The following CATSPERE variants were observed in gnomAD, a reference collection of about 807,000 sequenced individuals.
CATSPERE encodes cation channel sperm-associated auxiliary subunit epsilon.
Under a neutral mutation model 114.1 loss-of-function variants are expected in CATSPERE, and 93 were observed. That is an observed-to-expected ratio of 0.81 (90% confidence interval 0.69 to 0.97). The LOEUF (loss-of-function observed/expected upper bound fraction) is 0.97, where lower values mean the gene tolerates loss of function less well. Among genes scored for constraint, CATSPERE ranks in the 50% least tolerant of loss-of-function variants. The pLI, the probability that CATSPERE is intolerant of heterozygous loss-of-function variation, is 0.00. For missense variants in CATSPERE, 1,058 were observed against 1,131.6 expected, an observed-to-expected ratio of 0.93 and a Z score of 0.93; for synonymous variants, 341 against 384.1, an observed-to-expected ratio of 0.89 and a Z score of 1.31.
rs577010185 is a variant in CATSPERE, at chr1:244,481,829, T to C, written c.326+2045T>C. On this transcript the variant is annotated intron_variant, in intron 5 of 21. Transcript: ENST00000366534. ...AGATAGCACCTTGATCTTTGGACTTTGCAGCCTCCAGAACTATGAGAAATA... is the reference window on the plus strand; with the variant it reads ...AGATAGCACCTTGATCTTTGGACTTCGCAGCCTCCAGAACTATGAGAAATA... Among the ~76,000 whole-genome samples the C allele has an allele frequency of 1.2e-4, 18 of 152,322 alleles. No individual in the cohort carries two copies. The East Asian group carries it at 3.5e-3, about 29-fold the overall frequency.
upstream of CATSPERE, among the ~76,000 whole-genome samples, chr1:244,458,892 C>G (rs1666391725): frequency 6.6e-6 from 1 of 152,072 alleles, no homozygotes; most frequent in Non-Finnish European, 1.5e-5. Context: ...CTTATAGAGC[C>G]AATTAAAGCC....
rs774733755 is a variant in CATSPERE, at chr1:244,605,765, G to A, written c.2374G>A (p.Asp792Asn). Residue 792 changes from aspartate (D) to asparagine (N), a missense_variant, in exon 18 of 22, where the codon GAC (aspartate) becomes AAC (asparagine). Physicochemically the swap from Asp to Asn is conservative, Grantham distance 23. Transcript: ENST00000366534. ...AGTGTGGGAAATACACGGCAGGGAT[G>A]ACTATAGCTTTAATAATACTATGGC... ...FIVWEIHGRD[D>N]YSFNNTMAQS... The A allele has an allele frequency of 6.2e-7, 1 of 1,613,256 alleles. No homozygotes were observed. The highest frequency in any genetic ancestry group is 8.5e-7 in the Non-Finnish European group (1 of 1,179,458).
At position 244,490,960 on chromosome 1, in the gene CATSPERE, A is replaced by T. The variant is rs369310380; in HGVS notation, c.351+489A>T. Among the ~76,000 whole-genome samples, 12 of 152,284 alleles carry T rather than the reference A, an allele frequency of 7.9e-5. No individual in the cohort carries two copies. In the South Asian group the frequency reaches 2.1e-3, roughly 26 times the overall value. ...ATACAGGTGGATCTAAACCACATAA[A>T]ACAAAAGCCTTGTAGGATTCTTAAT... On this transcript the variant is annotated intron_variant, in intron 6 of 21. Coordinates refer to ENST00000366534, the MANE Select transcript of CATSPERE (RefSeq NM_001130957.2).
At chr1:244,583,737 C>A (rs1259071249) in intron 12 of CATSPERE, 127 bp from the exon 13 acceptor site, 4 of 706,450 alleles carry the variant, frequency 5.7e-6, no homozygotes, top group Non-Finnish European at 9.6e-6. Flanking sequence ...ATCCTCCAGG[C>A]CTCTAGAAAT....
intron 7 of CATSPERE, chr1:244,515,310 C>T (rs1042420747): frequency 6.5e-5 from 64 of 980,546 alleles, no homozygotes; most frequent in Non-Finnish European, 7.8e-5. Flanking sequence ...ATGAAAGATA[C>T]ATACTCTCCT....
At chr1:244,461,255 G>GCGCGCA (rs768363967), upstream of CATSPERE, 154 of 468,498 alleles carry the variant, frequency 3.3e-4, no homozygotes, top group Middle Eastern at 1.2e-3. Context: ...CCAGGTAGCG[G>GCGCGCA]CGCGCACGCG....
At position 244,595,344 on chromosome 1, in the gene CATSPERE, C is replaced by G. The variant is rs34910735; in HGVS notation, c.2303+1766C>G. Among the ~76,000 whole-genome samples, 270 of 152,284 alleles carry G rather than the reference C, an allele frequency of 1.8e-3. 2 individuals carry two copies. The highest frequency in any genetic ancestry group is 2.8e-3 in the Non-Finnish European group (193 of 68,020). On this transcript the variant is annotated intron_variant, in intron 17 of 21. Transcript: ENST00000366534. Reference sequence around the variant, plus strand: ...AAAGAGAGCGAGGCTCTGGGAAATGCTCCAGAAGACTTGCATTTGAGCTAA... The same window carrying G: ...AAAGAGAGCGAGGCTCTGGGAAATGGTCCAGAAGACTTGCATTTGAGCTAA...
intron 8 of CATSPERE, among the ~76,000 whole-genome samples, chr1:244,528,761 A>T (rs1160283400): frequency 7.1e-6 from 1 of 141,268 alleles, no homozygotes; most frequent in Non-Finnish European, 1.5e-5. Context: ...AACCATACCT[A>T]CTCTCCCCCA....
At chr1:244,566,251 G>C (rs1452696742) in intron 10 of CATSPERE, among the ~76,000 whole-genome samples, 1 of 152,086 alleles carries the variant, frequency 6.6e-6, no homozygotes, top group African/African-American at 2.4e-5. Flanking sequence ...TAATTATGTG[G>C]TCGATTTTAA....
Position 244,463,970 on chromosome 1 carries a change from T to G in CATSPERE, c.114+14T>G. 1 of 1,566,348 alleles carries G rather than the reference T, an allele frequency of 6.4e-7. No individual in the cohort carries two copies. Among genetic ancestry groups the G allele is most frequent in the Non-Finnish European group, 8.8e-7 (1 of 1,137,900 alleles). ...ACCAGAAGTACTGTAAGTGTTGAAT[T>G]TTTAATAAACTATAGTTAAATATTA... On this transcript the variant is annotated intron_variant, in intron 2 of 21. Transcript: ENST00000366534.
intron 20 of CATSPERE, among the ~76,000 whole-genome samples, chr1:244,623,538 A>T (rs1672674787): frequency 6.6e-6 from 1 of 152,156 alleles, no homozygotes; most frequent in Admixed American, 6.5e-5. Context: ...AGAATAAATC[A>T]CTGTCCCCTC....
chr1:244,500,693 C>T (rs1043745178), intron 7 of CATSPERE, among the ~76,000 whole-genome samples: 1 of 152,056 alleles, frequency 6.6e-6, no homozygotes, highest in Non-Finnish European at 1.5e-5. Flanking sequence ...TGTTCTGTTC[C>T]ATTGGTCTAT....
chr1:244,489,164 A>C (rs576325343), intron 5 of CATSPERE, among the ~76,000 whole-genome samples: 4 of 152,140 alleles, frequency 2.6e-5, no homozygotes, highest in African/African-American at 9.7e-5. Context: ...CGTTCTTACT[A>C]TGTGTCCCAG....
chr1:244,599,444 A>C (rs188678168), intron 17 of CATSPERE, among the ~76,000 whole-genome samples: 1 of 152,178 alleles, frequency 6.6e-6, no homozygotes, highest in Admixed American at 6.5e-5. Context: ...CCCTACATCA[A>C]ATCCATTAAC....
intron 20 of CATSPERE, among the ~76,000 whole-genome samples, chr1:244,619,768 C>G (rs1342451764): frequency 6.6e-6 from 1 of 152,000 alleles, no homozygotes; most frequent in African/African-American, 2.4e-5. Context: ...CAATAGGACA[C>G]ATTAAATGGG....
intron 5 of CATSPERE, among the ~76,000 whole-genome samples, chr1:244,485,690 T>G (rs951129656): frequency 6.9e-6 from 1 of 145,908 alleles, no homozygotes; most frequent in African/African-American, 2.6e-5. Context: ...ATGTCTAAAT[T>G]TTGTTTTTTT....
At chr1:244,461,596 C>A (rs1572197022) in intron 1 of CATSPERE, 102 bp downstream of exon 1, 1 of 949,932 alleles carries the variant, frequency 1.1e-6, no homozygotes, top group South Asian at 5.2e-5. Flanking sequence ...CGGGACCGCT[C>A]GCCCTGGCCG....
chr1:244,518,562 T>C (rs1357205863), intron 7 of CATSPERE, 30 bp from the exon 8 acceptor site: 1 of 1,312,296 alleles, frequency 7.6e-7, no homozygotes, highest in South Asian at 1.2e-5. Context: ...ATGAAAATAA[T>C]AAAAAATGAA....
intron 18 of CATSPERE, among the ~76,000 whole-genome samples, chr1:244,606,902 A>G (rs1341394716): frequency 4.6e-5 from 7 of 151,894 alleles, no homozygotes; most frequent in South Asian, 4.2e-4. Flanking sequence ...GTGACTGGCA[A>G]TTGTCTTTCA....
Sources: gnomAD v4.1 joint callset for allele counts (sites outside exome capture counted in the v4.1 genomes callset) on GRCh38, gnomAD v4.1.1 for gene constraint, MANE v1.5 for transcripts, NCBI Gene and HGNC (gene_info 2026-07-23, HGNC 2026-07-21) for gene names.